Variants in SH3BP4 observed in about 807,000 individuals in gnomAD.
SH3BP4 encodes the protein SH3 domain binding protein 4.
A neutral mutation model predicts 65.5 loss-of-function variants in SH3BP4; 33 were observed. The observed-to-expected ratio is 0.50, with a 90% CI of 0.38 to 0.67. The LOEUF is 0.67. SH3BP4 is among the 30% of genes least tolerant of loss of function. The pLI, the probability that SH3BP4 is intolerant of heterozygous loss-of-function variation, is 0.00. For missense variants in SH3BP4, 1,134 were observed against 1,261.4 expected, an observed-to-expected ratio of 0.90 and a Z score of 1.53; for synonymous variants, 552 against 545.5, an observed-to-expected ratio of 1.01 and a Z score of -0.17.
intron 2 of SH3BP4, among the ~76,000 whole-genome samples, chr2:235,024,746 G>A (rs1049070657): frequency 1.3e-5 from 2 of 152,134 alleles, no homozygotes; most frequent in Non-Finnish European, 2.9e-5. Flanking sequence ...TACTAGAAAA[G>A]ATCTATCAAG....
rs566353774 is a variant in SH3BP4, at chr2:234,991,981, C to G, written c.-206-3322C>G. Reference sequence around the variant, plus strand: ...GAGTTTACCCAATCATCCCCCTGTCCAGGGAGCCTGCCGGGCTCAGCTTCA... The same window carrying G: ...GAGTTTACCCAATCATCCCCCTGTCGAGGGAGCCTGCCGGGCTCAGCTTCA... On this transcript the variant is annotated intron_variant, in intron 1 of 5. Coordinates refer to ENST00000392011, the MANE Select transcript of SH3BP4 (RefSeq NM_014521.3). The surrounding 1 kb of genome is among the most constrained non-coding windows in gnomAD (Gnocchi z 4.2). 3.7e-4 allele frequency among the ~76,000 whole-genome samples: 56 copies of G among 152,328 alleles called. No individual in the cohort carries two copies. Among genetic ancestry groups the G allele is most frequent in the African/African-American group, 1.2e-3 (51 of 41,582 alleles).
At position 235,046,912 on chromosome 2, in the gene SH3BP4, G is replaced by A. The variant is rs552404745; in HGVS notation, c.2478+3665G>A. Among the ~76,000 whole-genome samples, 6 of 152,150 alleles carry A rather than the reference G, an allele frequency of 3.9e-5. No individual in the cohort carries two copies. The highest frequency in any genetic ancestry group is 1.9e-4 in the East Asian group (1 of 5,168). ...TAGAGTCCGTGTGTGAGGCATCCCC[G>A]TACCTCTGCCTGCCCCTTCCCAGCA... On this transcript the variant is annotated intron_variant, in intron 4 of 5. Coordinates refer to ENST00000392011, the MANE Select transcript of SH3BP4 (RefSeq NM_014521.3). This position sits in a 1 kb window ranked among gnomAD's most constrained non-coding sequence, Gnocchi z 4.2.
At chr2:235,053,347 C>T (rs561020517) in intron 5 of SH3BP4, among the ~76,000 whole-genome samples, 2 of 152,302 alleles carry the variant, frequency 1.3e-5, no homozygotes, top group South Asian at 2.1e-4. Flanking sequence ...AAAGAGAAGT[C>T]CTTTCTGTTT....
In SH3BP4 at chr2:235,052,528, C is replaced by A; in HGVS notation, c.2479-34C>A. ...GGAGCAGAGCCTGCCCCACTCCCTACACTGTCTCACGCTGTGTGCCTCTTC... is the reference window on the plus strand; with the variant it reads ...GGAGCAGAGCCTGCCCCACTCCCTAAACTGTCTCACGCTGTGTGCCTCTTC... On this transcript the variant is annotated intron_variant, in intron 4 of 5. Transcript: ENST00000392011. The surrounding 1 kb of genome is among the most constrained non-coding windows in gnomAD (Gnocchi z 5.0). The A allele has an allele frequency of 6.6e-7, 1 of 1,507,240 alleles. No homozygotes were observed. Among genetic ancestry groups the A allele is most frequent in the Non-Finnish European group, 8.9e-7 (1 of 1,120,396 alleles). 93.4% of individuals were successfully genotyped at this position (1,507,240 alleles called of 1,614,324 possible).
intron 1 of SH3BP4, chr2:234,979,076 T>A (rs1428318683): frequency 6.6e-6 from 1 of 152,208 alleles, no homozygotes; most frequent in Non-Finnish European, 1.5e-5. Context: ...AGAGCCCCTG[T>A]CCTCACTGTT....
Position 235,041,729 on chromosome 2 carries a change from G to A in SH3BP4, c.960G>A (p.Val320=), listed in dbSNP as rs1225565064. Residue 320 remains valine (V), a synonymous_variant, in exon 4 of 6, where the codon GTG becomes GTA. Coordinates refer to ENST00000392011, the MANE Select transcript of SH3BP4 (RefSeq NM_014521.3). This position sits in a 1 kb window ranked among gnomAD's most constrained non-coding sequence, Gnocchi z 6.0. The part of the protein sequence containing the change: ...GQTQAVETNI[V]CKLDSSGGAV... ...CCCAAGCCGTGGAGACAAACATCGT[G>A]TGCAAGCTGGATAGCTCCGGGGGTG... is the stretch of plus-strand genomic sequence containing the variant. The A allele has an allele frequency of 6.2e-7, 1 of 1,611,306 alleles. No homozygotes were observed. The highest frequency in any genetic ancestry group is 1.1e-5 in the South Asian group (1 of 90,850).
Position 235,042,409 on chromosome 2 carries a change from A to G in SH3BP4, c.1640A>G (p.Asn547Ser). ...GTCTGTATGTTTTCCAATATGACGA[A>G]TTACGAGGTCAAAGCCAGCGAGCAG... ...LKVCMFSNMTNYEVKASEQAK... is the reference protein window; with the variant it reads ...LKVCMFSNMTSYEVKASEQAK... The change falls in exon 4 of 6, where the codon AAT becomes AGT. Residue 547 changes from asparagine to serine, a missense_variant. By Grantham distance (46) the Asn-to-Ser change is conservative. Transcript: ENST00000392011. This position sits in a 1 kb window ranked among gnomAD's most constrained non-coding sequence, Gnocchi z 7.3. 6.2e-7 allele frequency: 1 copy of G among 1,614,164 alleles called. No individual in the cohort carries two copies. The highest frequency in any genetic ancestry group is 8.5e-7 in the Non-Finnish European group (1 of 1,180,028).
At position 234,952,198 on chromosome 2, in the gene SH3BP4, C is replaced by A. The variant is rs997006638; in HGVS notation, c.-207+28C>A. On this transcript the variant is annotated intron_variant, in intron 1 of 5. Coordinates refer to ENST00000392011, the MANE Select transcript of SH3BP4 (RefSeq NM_014521.3). This position sits in a 1 kb window ranked among gnomAD's most constrained non-coding sequence, Gnocchi z 6.5. ...AGGCAGGCGGCGGCGGGGAGCGCCTCGGGCGGCAGGGCCCTGGGGGCCGGC... is the reference window on the plus strand; with the variant it reads ...AGGCAGGCGGCGGCGGGGAGCGCCTAGGGCGGCAGGGCCCTGGGGGCCGGC... 3 of 149,918 alleles carry A rather than the reference C, an allele frequency of 2.0e-5. No homozygotes were observed. Among genetic ancestry groups the A allele is most frequent in the African/African-American group, 4.9e-5 (2 of 41,102 alleles). 9.3% of individuals were successfully genotyped at this position (149,918 alleles called of 1,614,324 possible).
rs970700606 is a variant in SH3BP4 at position 234,952,244 on chromosome 2, G to C, written c.-207+74G>C. 15 of 150,410 alleles carry C rather than the reference G, an allele frequency of 1.0e-4. No homozygotes were observed. Among genetic ancestry groups the C allele is most frequent in the Admixed American group, 5.3e-4 (8 of 15,086 alleles). The allele number at this position is 150,410 out of a possible 1,614,324, so 9.3% of individuals were successfully genotyped here. A position where few individuals can be genotyped will look rare whatever the true frequency, so the allele number is the denominator to read the frequency against. ...CCGGCGGGGGCGCGGGGTCGTGCTCGGGGGCTTTGCACTCCCTTGCGGGCG... is the reference window on the plus strand; with the variant it reads ...CCGGCGGGGGCGCGGGGTCGTGCTCCGGGGCTTTGCACTCCCTTGCGGGCG... On this transcript the variant is annotated intron_variant, in intron 1 of 5. Coordinates refer to ENST00000392011, the MANE Select transcript of SH3BP4 (RefSeq NM_014521.3). The surrounding 1 kb of genome is among the most constrained non-coding windows in gnomAD (Gnocchi z 6.5).
chr2:235,009,601 G>A (rs901264620), intron 2 of SH3BP4, among the ~76,000 whole-genome samples: 5 of 151,732 alleles, frequency 3.3e-5, no homozygotes, highest in Non-Finnish European at 7.4e-5. Context: ...TTTGCTAGCC[G>A]GCCTGCCTTT....
intron 4 of SH3BP4, 77 bp downstream of exon 4, chr2:235,043,324 C>G: frequency 8.3e-7 from 1 of 1,205,190 alleles, no homozygotes; most frequent in Non-Finnish European, 1.2e-6. Context: ...TGCACATGGG[C>G]GTGGGCCGTG....
Position 235,053,613 on chromosome 2 carries a change from G to T in SH3BP4, c.2689G>T (p.Asp897Tyr), listed in dbSNP as rs1559263127. 6.2e-7 allele frequency: 1 copy of T among 1,614,094 alleles called. No homozygotes were observed. The highest frequency in any genetic ancestry group is 1.1e-5 in the South Asian group (1 of 91,064). The part of the protein sequence containing the change: ...DSEAMWKPAY[D>Y]FLLTWSHQIG... The stretch of plus-strand genomic sequence containing the variant: ...CCAGGCCATGTGGAAGCCTGCGTAT[G>T]ACTTCTTACTCACCTGGAGCCATCA... The change falls in exon 6 of 6, where the codon GAC (aspartate) becomes TAC (tyrosine). Residue 897 changes from aspartate (D) to tyrosine (Y), a missense_variant. Asp to Tyr is a radical substitution (Grantham distance 160). Transcript: ENST00000392011.
rs780454837 is a variant in SH3BP4 at position 235,046,969 on chromosome 2, C to T, written c.2478+3722C>T. Among the ~76,000 whole-genome samples the T allele has an allele frequency of 1.3e-5, 2 of 152,210 alleles. No individual in the cohort carries two copies. Among genetic ancestry groups the T allele is most frequent in the African/African-American group, 2.4e-5 (1 of 41,454 alleles). On this transcript the variant is annotated intron_variant, in intron 4 of 5. Coordinates refer to ENST00000392011, the MANE Select transcript of SH3BP4 (RefSeq NM_014521.3). This position sits in a 1 kb window ranked among gnomAD's most constrained non-coding sequence, Gnocchi z 4.2. ...CTGTGGCTGCACTCAGAGCACCCCT[C>T]TGTCCTGGCCACTTCTCTCCCACCA...
At chr2:235,001,268 A>G (rs6712516) in intron 2 of SH3BP4, among the ~76,000 whole-genome samples, 151,192 of 152,290 alleles carry the variant, frequency 0.99, 75,059 homozygotes, top group East Asian at 1. Flanking sequence ...ACTGCATGCT[A>G]AACTTTACGG....
rs1375044098 is a variant in SH3BP4 at position 235,008,506 on chromosome 2, C to CA, written c.-133+13131dup. The CA allele has an allele frequency of 3.9e-5, 6 of 152,226 alleles. No individual in the cohort carries two copies. The East Asian group carries it at 1.2e-3, about 29-fold the overall frequency. 9.4% of individuals were successfully genotyped at this position (152,226 alleles called of 1,614,324 possible). On this transcript the variant is annotated intron_variant, in intron 2 of 5. Coordinates refer to ENST00000392011, the MANE Select transcript of SH3BP4 (RefSeq NM_014521.3). ...TCCTTGTAGGTGGTTATTTTCTCCT[C>CA]ATTCTCTTTTTGGTACCCTTTGTGT... is the stretch of plus-strand genomic sequence containing the variant.
rs1692480389 is a variant in SH3BP4, at chr2:234,952,066, C to T, written c.-311C>T. 1.4e-5 allele frequency: 2 copies of T among 147,822 alleles called. No individual in the cohort carries two copies. The highest frequency in any genetic ancestry group is 3.6e-4 in the South Asian group (2 of 5,616). The allele number at this position is 147,822 out of a possible 1,614,324, so 9.2% of individuals were successfully genotyped here. ...CCGGGCCCCTCGCCACTACCGCCGC[C>T]GCCGCCGCCGTGAGTCCCGCGGAGC... On this transcript the variant is annotated 5_prime_UTR_variant, in exon 1 of 6. Coordinates refer to ENST00000392011, the MANE Select transcript of SH3BP4 (RefSeq NM_014521.3). The surrounding 1 kb of genome is among the most constrained non-coding windows in gnomAD (Gnocchi z 6.5).
Position 235,051,871 on chromosome 2 carries a change from C to G in SH3BP4, c.2479-691C>G, listed in dbSNP as rs968745762. On this transcript the variant is annotated intron_variant, in intron 4 of 5. Transcript: ENST00000392011. ...TGGTGTCTATTTGGTGAAATGCATT[C>G]GTTTCTCTCTGGTGTCCCCAGAGAG... is the stretch of plus-strand genomic sequence containing the variant. Among the ~76,000 whole-genome samples, 8 of 152,282 alleles carry G rather than the reference C, an allele frequency of 5.3e-5. No individual in the cohort carries two copies. In the East Asian group the frequency reaches 1.5e-3, roughly 29 times the overall value.
At chr2:235,020,479 A>G (rs947913611) in intron 2 of SH3BP4, among the ~76,000 whole-genome samples, 3 of 152,196 alleles carry the variant, frequency 2.0e-5, no homozygotes, top group African/African-American at 7.2e-5. Flanking sequence ...CCTGGGTGAC[A>G]GAGCAAGACC....
At chr2:235,044,268 G>A (rs1434965652) in intron 4 of SH3BP4, among the ~76,000 whole-genome samples, 1 of 152,250 alleles carries the variant, frequency 6.6e-6, no homozygotes. Flanking sequence ...ATAAAAGGGG[G>A]AAGTAAGCAT....
Sources: gnomAD v4.1 joint callset for allele counts (sites outside exome capture counted in the v4.1 genomes callset) on GRCh38, gnomAD v4.1.1 for gene constraint, Gnocchi (gnomAD v3.1) non-coding constraint, MANE v1.5 for transcripts, NCBI Gene and HGNC (gene_info 2026-07-23, HGNC 2026-07-21) for gene names.